Variants in NDE1 observed in about 807,000 individuals in gnomAD.
NDE1 encodes the protein nuclear distribution protein nudE homolog 1.
In NDE1, 28 loss-of-function variants were observed where a neutral mutation model predicts 43.4. The observed-to-expected ratio is 0.65, with a 90% confidence interval of 0.48 to 0.89. NDE1 has a LOEUF of 0.89. Ranked by LOEUF, NDE1 falls within the 40% of genes least tolerant of loss-of-function variation. NDE1 has a pLI of 0.00. For synonymous variants in NDE1, 184 were observed against 172.0 expected (o/e 1.07, Z -0.55); for missense variants, 441 against 434.1 (o/e 1.02, Z -0.14).
intron 8 of NDE1, among the ~76,000 whole-genome samples, chr16:15,715,426 T>C (rs147415093): frequency 2.0e-3 from 310 of 152,196 alleles, no homozygotes; most frequent in African/African-American, 7.3e-3. Flanking sequence ...TATTCAGCCA[T>C]GAAAAGGAAT....
intron 8 of NDE1, 181 bp from the exon 9 acceptor site, chr16:15,724,010 C>T (rs973945379): frequency 2.7e-5 from 36 of 1,341,744 alleles, no homozygotes; most frequent in African/African-American, 2.5e-4. Context: ...GCTCCATGGT[C>T]GCCCAAGACA....
At chr16:15,677,331 C>G (rs1488608949) in intron 3 of NDE1, among the ~76,000 whole-genome samples, 1 of 152,046 alleles carries the variant, frequency 6.6e-6, no homozygotes, top group Non-Finnish European at 1.5e-5. Flanking sequence ...CACCTGTAAT[C>G]CCAGCACTTT....
upstream of NDE1, among the ~76,000 whole-genome samples, chr16:15,646,373 T>C (rs1159475461): frequency 6.6e-6 from 1 of 152,000 alleles, no homozygotes; most frequent in Non-Finnish European, 1.5e-5. Context: ...GGTCAGGAGT[T>C]CGAGACCAGC....
chr16:15,712,882 G>GTTTTGTTTTTTTTTTTTTTTTTTTTT (rs2039887695), intron 8 of NDE1: 1 of 90,636 alleles, frequency 1.1e-5, no homozygotes, highest in African/African-American at 4.5e-5. Flanking sequence ...TTCACATACA[G>GTTTTGTTTTTTTTTTTTTTTTTTTTT]TTTTTTTTTT....
At chr16:15,690,448 A>G (rs1272992235) in intron 5 of NDE1, among the ~76,000 whole-genome samples, 1 of 129,902 alleles carries the variant, frequency 7.7e-6, no homozygotes, top group African/African-American at 2.9e-5. Flanking sequence ...GCCTCGACTT[A>G]CTGGATTAAT....
intron 5 of NDE1, among the ~76,000 whole-genome samples, chr16:15,690,337 CTTTTTTTTTTTTTTTCTTTTTTTT>C (rs2038675116): frequency 3.0e-4 from 22 of 74,106 alleles, no homozygotes; most frequent in African/African-American, 2.4e-4. Context: ...TGCAACTGGC[CTTTTTTTTTTTTTTTCTTTTTTTT>C]TTTTTTTTTT....
At chr16:15,661,870 C>T (rs1325134944) in intron 1 of NDE1, among the ~76,000 whole-genome samples, 1 of 152,194 alleles carries the variant, frequency 6.6e-6, no homozygotes, top group South Asian at 2.1e-4. Context: ...CATAATTCAT[C>T]AAGTTCTGGT....
At chr16:15,699,599 G>C (rs1308848841) in intron 8 of NDE1, 18 of 1,213,370 alleles carry the variant, frequency 1.5e-5, no homozygotes, top group Admixed American at 9.6e-5. Flanking sequence ...TTTCACAGGA[G>C]AGAAAATTGA....
At chr16:15,652,698 C>T (rs1596539583) in intron 1 of NDE1, among the ~76,000 whole-genome samples, 1 of 152,188 alleles carries the variant, frequency 6.6e-6, no homozygotes, top group African/African-American at 2.4e-5. Flanking sequence ...GGATCTCACT[C>T]TGTCGCCCAA....
At chr16:15,662,426 G>A (rs1424142804) in intron 1 of NDE1, among the ~76,000 whole-genome samples, 1 of 151,628 alleles carries the variant, frequency 6.6e-6, no homozygotes, top group East Asian at 1.9e-4. Context: ...GGGACTACAG[G>A]CACCTGCCAC....
rs2040059297 is a variant in NDE1 at position 15,715,212 on chromosome 16, C to T, written c.948-8979C>T. The T allele has an allele frequency of 6.2e-6, 10 of 1,614,110 alleles. No homozygotes were observed. The highest frequency in any genetic ancestry group is 7.6e-6 in the Non-Finnish European group (9 of 1,180,030). ...TCTTGCGCTCGTCCTCCACCTGCAG[C>T]AAGATTTCCTTCAGCTTCTTGTCTT... On this transcript the variant is annotated intron_variant, in intron 8 of 8. Coordinates refer to ENST00000396354, the MANE Select transcript of NDE1 (RefSeq NM_017668.3).
At chr16:15,712,569 C>T (rs1458216935) in intron 8 of NDE1, among the ~76,000 whole-genome samples, 1 of 152,142 alleles carries the variant, frequency 6.6e-6, no homozygotes, top group Non-Finnish European at 1.5e-5. Context: ...GCACTCCAGC[C>T]TGGGCAACAG....
chr16:15,717,136 A>G, intron 8 of NDE1: 1 of 1,614,160 alleles, frequency 6.2e-7, no homozygotes, highest in Non-Finnish European at 8.5e-7. Context: ...CCACACCCGC[A>G]TACCTGGCCT....
At chr16:15,696,561 G>T in intron 7 of NDE1, 148 bp from the exon 8 acceptor site, 1 of 1,436,896 alleles carries the variant, frequency 7.0e-7, no homozygotes, top group Admixed American at 2.0e-5. Context: ...TGGCATATAC[G>T]TTGGATTCCT....
At position 15,725,773 on chromosome 16, in the gene NDE1, C is replaced by G; in HGVS notation, c.*1522C>G. 1 of 398,700 alleles carries G rather than the reference C, an allele frequency of 2.5e-6. No individual in the cohort carries two copies. The highest frequency in any genetic ancestry group is 4.4e-6 in the Non-Finnish European group (1 of 226,144). 24.7% of individuals were successfully genotyped at this position (398,700 alleles called of 1,614,324 possible). ...GGCCACGTCCCCATGAGTGGCAAGGCAGGGTAAATGGCTATGCCAAGTGAA... is the reference window on the plus strand; with the variant it reads ...GGCCACGTCCCCATGAGTGGCAAGGGAGGGTAAATGGCTATGCCAAGTGAA... On this transcript the variant is annotated 3_prime_UTR_variant, in exon 9 of 9. Transcript: ENST00000396354.
intron 4 of NDE1, among the ~76,000 whole-genome samples, chr16:15,680,431 G>A (rs1401268233): frequency 6.6e-6 from 1 of 152,118 alleles, no homozygotes; most frequent in Non-Finnish European, 1.5e-5. Context: ...GATTATTGTT[G>A]TAAACATTTT....
At position 15,661,994 on chromosome 16, in the gene NDE1, C is replaced by T. The variant is rs144614062; in HGVS notation, c.-43-2742C>T. 2.3e-3 allele frequency among the ~76,000 whole-genome samples: 356 copies of T among 152,164 alleles called. 1 individual carries two copies. The highest frequency in any genetic ancestry group is 8.1e-3 in the African/African-American group (336 of 41,514). ...TCTTGCCCAGGCTGGAGTGCAGTAC[C>T]GTGATCATAGCTTACTGCAGCCTCA... On this transcript the variant is annotated intron_variant, in intron 1 of 8. Transcript: ENST00000396354.
intron 8 of NDE1, chr16:15,699,842 G>T (rs1205935256): frequency 3.0e-6 from 4 of 1,347,874 alleles, no homozygotes; most frequent in Non-Finnish European, 3.9e-6. Context: ...GGAAGCTGAA[G>T]GTCTTGGTGT....
chr16:15,706,874 T>C (rs937329618), intron 8 of NDE1, among the ~76,000 whole-genome samples: 12 of 152,296 alleles, frequency 7.9e-5, no homozygotes, highest in Admixed American at 3.3e-4. Context: ...CCCTGGGCCG[T>C]TGAAGCTCCT....
Sources: gnomAD v4.1 joint callset for allele counts (sites outside exome capture counted in the v4.1 genomes callset) on GRCh38, gnomAD v4.1.1 for gene constraint, MANE v1.5 for transcripts, NCBI Gene and HGNC (gene_info 2026-07-23, HGNC 2026-07-21) for gene names.